KIF4A: variants seen among roughly 807,000 people sequenced by gnomAD.
The protein encoded by KIF4A is chromosome-associated kinesin KIF4A.
In KIF4A, 7 loss-of-function variants were observed where a neutral mutation model predicts 105.9. That is an observed-to-expected ratio of 0.07 (90% CI 0.04 to 0.12). The LOEUF (loss-of-function observed/expected upper bound fraction) is 0.12, where lower values mean the gene tolerates loss of function less well. Among genes scored for constraint, KIF4A ranks in the 10% least tolerant of loss-of-function variants. KIF4A has a pLI of 1.00. For synonymous variants in KIF4A, 281 were observed against 331.3 expected, an observed-to-expected ratio of 0.85 and a Z score of 1.65; for missense variants, 558 against 929.2, an observed-to-expected ratio of 0.60 and a Z score of 5.19.
intron 15 of KIF4A, among the ~76,000 whole-genome samples, chrX:70,369,672 G>A (rs1436010612): frequency 8.9e-6 from 1 of 111,805 alleles, no homozygotes; most frequent in Non-Finnish European, 1.9e-5. Context: ...AGGCAGATCT[G>A]TATATGCTGA....
At chrX:70,338,985 T>C (rs2085961918) in intron 10 of KIF4A, among the ~76,000 whole-genome samples, 1 of 106,169 alleles carries the variant, frequency 9.4e-6, no homozygotes, top group African/African-American at 3.5e-5. Flanking sequence ...CTTGGGAGGC[T>C]GAGGCAGGAG....
intron 7 of KIF4A, among the ~76,000 whole-genome samples, chrX:70,328,425 G>A (rs2092505828): frequency 9.0e-6 from 1 of 111,660 alleles, no homozygotes; most frequent in Non-Finnish European, 1.9e-5. Context: ...CATGAAGGTA[G>A]ACATTTCATG....
At position 70,404,729 on chromosome X, in the gene KIF4A, C is replaced by T. The variant is rs754883036; in HGVS notation, c.2805C>T (p.Leu935=). 8.3e-7 allele frequency: 1 copy of T among 1,204,669 alleles called. No individual in the cohort carries two copies. The highest frequency in any genetic ancestry group is 1.1e-6 in the Non-Finnish European group (1 of 891,095). Residue 935 remains leucine (L), a synonymous_variant, in exon 25 of 31, where the codon CTC becomes CTT. Transcript: ENST00000374403. ...TCTTTCTCTAGGTGCTGTACCTTCTCAGCCAGCTGCAGCAAAGCCAAATGG... is the reference window on the plus strand; with the variant it reads ...TCTTTCTCTAGGTGCTGTACCTTCTTAGCCAGCTGCAGCAAAGCCAAATGG... ...QQHQEKVLYL[L]SQLQQSQMAE...
At chrX:70,405,965 G>C (rs751239961) in intron 26 of KIF4A, 60 bp downstream of exon 26, 6 of 949,528 alleles carry the variant, frequency 6.3e-6, no homozygotes, top group South Asian at 4.0e-5. Flanking sequence ...ACTGAGGCCA[G>C]CTCTTGGGAC....
chrX:70,396,422 A>G (rs2086259831), intron 22 of KIF4A: 1 of 120,741 alleles, frequency 8.3e-6, no homozygotes, highest in Admixed American at 9.0e-5. Context: ...AAATTCAGCA[A>G]TCTTAAGAAA....
intron 8 of KIF4A, 51 bp downstream of exon 8, chrX:70,329,572 C>A: frequency 2.0e-6 from 2 of 986,123 alleles, no homozygotes; most frequent in Non-Finnish European, 2.9e-6. Context: ...AATGATAGTG[C>A]TGAGACAGCA....
intron 23 of KIF4A, among the ~76,000 whole-genome samples, 186 bp downstream of exon 23, chrX:70,402,881 A>G: frequency 8.9e-6 from 1 of 112,479 alleles, no homozygotes; most frequent in Middle Eastern, 4.6e-3. Flanking sequence ...TTACAAAAAT[A>G]TAATATGACT....
At chrX:70,393,360 A>G (rs144716780) in intron 20 of KIF4A, among the ~76,000 whole-genome samples, 95 of 111,363 alleles carry the variant, frequency 8.5e-4, no homozygotes, top group African/African-American at 2.9e-3. Context: ...AGTATGATCA[A>G]TCTTAGTAAA....
chrX:70,395,882 A>G (rs1332427835), intron 21 of KIF4A, 56 bp downstream of exon 21: 29 of 1,196,891 alleles, frequency 2.4e-5, no homozygotes, highest in Non-Finnish European at 1.7e-5. Context: ...TTCCCCAGAA[A>G]TCCTCATAGC....
intron 8 of KIF4A, among the ~76,000 whole-genome samples, chrX:70,329,921 A>G (rs1304094198): frequency 8.9e-6 from 1 of 111,767 alleles, no homozygotes; most frequent in Non-Finnish European, 1.9e-5. Context: ...TAACCTGATT[A>G]ACTGCTGAAA....
At chrX:70,307,002 T>C (rs2085830071) in intron 7 of KIF4A, among the ~76,000 whole-genome samples, 1 of 110,343 alleles carries the variant, frequency 9.1e-6, no homozygotes, top group Non-Finnish European at 1.9e-5. Flanking sequence ...TTTTTAATTT[T>C]TTTTTGTAGA....
chrX:70,349,045 G>A (rs1188290518), intron 13 of KIF4A, among the ~76,000 whole-genome samples: 12 of 97,533 alleles, frequency 1.2e-4, no homozygotes, highest in South Asian at 5.3e-4. Context: ...CCTCCCAGAC[G>A]GGGTGGCCGG....
chrX:70,342,643 T>G (rs2085976767), intron 11 of KIF4A, among the ~76,000 whole-genome samples: 1 of 112,574 alleles, frequency 8.9e-6, no homozygotes, highest in Admixed American at 9.4e-5. Context: ...TGCATCAGTG[T>G]GCTCTCTAGT....
intron 13 of KIF4A, among the ~76,000 whole-genome samples, chrX:70,349,729 C>T (rs1479117729): frequency 3.9e-4 from 23 of 58,579 alleles, no homozygotes; most frequent in African/African-American, 1.5e-3. Flanking sequence ...ACCTCCCAGA[C>T]GGGGTGGCGG....
intron 15 of KIF4A, among the ~76,000 whole-genome samples, chrX:70,359,532 A>AT (rs2086065865): frequency 9.3e-6 from 1 of 107,743 alleles, no homozygotes; most frequent in Non-Finnish European, 1.9e-5. Context: ...AAAGCTGAAC[A>AT]TAAGTAGTCT....
intron 15 of KIF4A, among the ~76,000 whole-genome samples, chrX:70,356,136 C>T (rs754348062): frequency 5.6e-5 from 6 of 107,477 alleles, no homozygotes; most frequent in African/African-American, 1.4e-4. Flanking sequence ...AAAAATTAGC[C>T]GGGCCTGGTG....
chrX:70,395,116 C>T (rs2086254345), intron 20 of KIF4A, among the ~76,000 whole-genome samples: 2 of 111,463 alleles, frequency 1.8e-5, no homozygotes, highest in East Asian at 2.8e-4. Context: ...CGTGGTGGCG[C>T]GTGCTTGTAA....
intron 7 of KIF4A, among the ~76,000 whole-genome samples, chrX:70,305,938 G>A (rs763333533): frequency 8.9e-6 from 1 of 112,093 alleles, no homozygotes; most frequent in African/African-American, 3.2e-5. Context: ...TAGTGGGTAC[G>A]AAGTGGTATC....
At chrX:70,369,047 C>A (rs1488363395) in intron 15 of KIF4A, among the ~76,000 whole-genome samples, 1 of 112,441 alleles carries the variant, frequency 8.9e-6, no homozygotes, top group African/African-American at 3.2e-5. Context: ...ACCCTCTGAG[C>A]CAGGTGTGGG....
Sources: gnomAD v4.1 joint callset for allele counts (sites outside exome capture counted in the v4.1 genomes callset) on GRCh38, gnomAD v4.1.1 for gene constraint, MANE v1.5 for transcripts, NCBI Gene and HGNC (gene_info 2026-07-23, HGNC 2026-07-21) for gene names.